NRXN3: variants seen among roughly 807,000 people sequenced by gnomAD.
NRXN3 encodes neurexin III.
In NRXN3, 32 loss-of-function variants were observed where a neutral mutation model predicts 137.6. That is an observed-to-expected ratio of 0.23 (90% CI 0.18 to 0.31). NRXN3 has a LOEUF of 0.31. Ranked by LOEUF, NRXN3 falls within the 10% of genes least tolerant of loss-of-function variation. The pLI, the probability that NRXN3 is intolerant of heterozygous loss-of-function variation, is 1.00. For missense variants in NRXN3, 1,574 were observed against 2,062.5 expected (o/e 0.76, Z 4.59); for synonymous variants, 798 against 784.5 (o/e 1.02, Z -0.29).
intron 10 of NRXN3, among the ~76,000 whole-genome samples, chr14:78,870,349 T>G (rs529307510): frequency 6.6e-6 from 1 of 152,328 alleles, no homozygotes; most frequent in East Asian, 1.9e-4. Flanking sequence ...GGATAGATCA[T>G]CCTTTGTAAT....
chr14:79,419,009 G>A (rs374093161), intron 15 of NRXN3, among the ~76,000 whole-genome samples: 1 of 152,198 alleles, frequency 6.6e-6, no homozygotes, highest in African/African-American at 2.4e-5. Context: ...GGCAGGCATG[G>A]ATGAAAATCG....
intron 10 of NRXN3, among the ~76,000 whole-genome samples, chr14:78,901,595 TTGA>T (rs2099196687): frequency 6.6e-6 from 1 of 152,046 alleles, no homozygotes; most frequent in African/African-American, 2.4e-5. Flanking sequence ...ATTTTTATAT[TTGA>T]TGATAATTCA....
At chr14:78,966,473 G>C (rs1416057862) in intron 12 of NRXN3, 67 bp downstream of exon 12, 1 of 1,505,888 alleles carries the variant, frequency 6.6e-7, no homozygotes, top group African/African-American at 1.4e-5. Flanking sequence ...GTAAAATATG[G>C]ACATAAAAAT....
Position 78,171,353 on chromosome 14 carries a change from T to A in NRXN3, c.-704+679T>A, listed in dbSNP as rs139795554. On this transcript the variant is annotated intron_variant, in intron 1 of 20. Transcript: ENST00000335750. ...GAGTGTGTGTGTGAGTGTGTGTGTGTGTGTGTGCGCGGGTGTGTGCTCCTG... is the reference window on the plus strand; with the variant it reads ...GAGTGTGTGTGTGAGTGTGTGTGTGAGTGTGTGCGCGGGTGTGTGCTCCTG... Among the ~76,000 whole-genome samples, 545 of 151,690 alleles carry A rather than the reference T, an allele frequency of 3.6e-3. 4 individuals carry two copies. The highest frequency in any genetic ancestry group is 0.012 in the African/African-American group (515 of 41,294).
At chr14:79,137,966 T>C (rs1050417317) in intron 15 of NRXN3, among the ~76,000 whole-genome samples, 3 of 152,166 alleles carry the variant, frequency 2.0e-5, no homozygotes, top group African/African-American at 7.2e-5. Context: ...TGGCACGTGT[T>C]ATGCTAGGAA....
intron 8 of NRXN3, among the ~76,000 whole-genome samples, chr14:78,743,074 G>A (rs1411629665): frequency 6.6e-6 from 1 of 152,142 alleles, no homozygotes; most frequent in Non-Finnish European, 1.5e-5. Context: ...GGCAAGTGTG[G>A]TTTTAAGATG....
chr14:78,323,429 C>T (rs2079644415), intron 4 of NRXN3, among the ~76,000 whole-genome samples: 2 of 152,016 alleles, frequency 1.3e-5, no homozygotes, highest in Non-Finnish European at 2.9e-5. Context: ...CACCTGGAGC[C>T]TCATCTGTTG....
intron 15 of NRXN3, among the ~76,000 whole-genome samples, chr14:79,403,334 G>A (rs191295629): frequency 8.5e-5 from 13 of 152,210 alleles, no homozygotes; most frequent in Non-Finnish European, 1.8e-4. Context: ...ATATGATAAA[G>A]AACATTTTTA....
rs188966852 is a variant in NRXN3 at position 78,324,169 on chromosome 14, A to G, written c.757+26309A>G. Among the ~76,000 whole-genome samples, 259 of 152,166 alleles carry G rather than the reference A, an allele frequency of 1.7e-3. 3 individuals carry two copies. The highest frequency in any genetic ancestry group is 6.0e-3 in the African/African-American group (247 of 41,464). On this transcript the variant is annotated intron_variant, in intron 4 of 20. Coordinates refer to ENST00000335750, the MANE Select transcript of NRXN3 (RefSeq NM_001330195.2). ...TGCTCTGCAGCCTTCAACCTCTTGG[A>G]GCCTGTCTTTTCATCTGTATTATGG...
chr14:78,892,561 T>C (rs2099162079), intron 10 of NRXN3, among the ~76,000 whole-genome samples: 2 of 151,852 alleles, frequency 1.3e-5, no homozygotes, highest in South Asian at 4.1e-4. Flanking sequence ...TTTTTTTTTT[T>C]TCTTACCCAG....
chr14:78,616,400 G>A (rs1164710442), intron 4 of NRXN3, among the ~76,000 whole-genome samples: 4 of 152,112 alleles, frequency 2.6e-5, no homozygotes, highest in African/African-American at 9.7e-5. Flanking sequence ...GCAGGTTTCC[G>A]TTTAAACCCT....
chr14:79,846,633 A>G (rs2099374476), intron 20 of NRXN3, among the ~76,000 whole-genome samples: 1 of 152,200 alleles, frequency 6.6e-6, no homozygotes, highest in Non-Finnish European at 1.5e-5. Context: ...CATTCAGATA[A>G]GCTTTAATGT....
rs560494829 is a variant in NRXN3 at position 79,123,323 on chromosome 14, T to A, written c.3262+135182T>A. 2.0e-4 allele frequency among the ~76,000 whole-genome samples: 31 copies of A among 152,282 alleles called. No individual in the cohort carries two copies. The South Asian group carries it at 6.4e-3, about 32-fold the overall frequency. ...TTCAACTCAATGTTTACTGTCAAGA[T>A]GAGTTTTCCAATTTCCATTGTTTCC... On this transcript the variant is annotated intron_variant, in intron 15 of 20. Coordinates refer to ENST00000335750, the MANE Select transcript of NRXN3 (RefSeq NM_001330195.2).
At chr14:79,482,144 G>A (rs2096615189) in intron 16 of NRXN3, among the ~76,000 whole-genome samples, 1 of 152,098 alleles carries the variant, frequency 6.6e-6, no homozygotes, top group East Asian at 1.9e-4. Context: ...TTAACCTGGT[G>A]GCTTTCATTA....
intron 16 of NRXN3, among the ~76,000 whole-genome samples, chr14:79,617,930 A>AAAAAAAAAAAAAAAAAAAAAAAAAAG (rs1385000688): frequency 3.4e-5 from 5 of 148,732 alleles, no homozygotes; most frequent in African/African-American, 1.0e-4. Flanking sequence ...AAAAAAAAAA[A>AAAAAAAAAAAAAAAAAAAAAAAAAAG]AACATGCTTA....
intron 4 of NRXN3, among the ~76,000 whole-genome samples, chr14:78,339,379 G>A (rs2081899152): frequency 6.6e-6 from 1 of 152,140 alleles, no homozygotes; most frequent in Admixed American, 6.5e-5. Flanking sequence ...AGAGCCTGAT[G>A]TCCACATCAT....
At chr14:79,756,720 A>G (rs1278008834) in intron 19 of NRXN3, among the ~76,000 whole-genome samples, 1 of 152,166 alleles carries the variant, frequency 6.6e-6, no homozygotes, top group Non-Finnish European at 1.5e-5. Flanking sequence ...AGTGCTCCCA[A>G]TAAGTGAATA....
chr14:78,836,031 T>C (rs1339196602), intron 10 of NRXN3, among the ~76,000 whole-genome samples: 2 of 152,168 alleles, frequency 1.3e-5, no homozygotes, highest in Non-Finnish European at 2.9e-5. Context: ...GGGTGCCCTA[T>C]AATTTGTCAA....
chr14:79,009,573 C>T (rs1286307530), intron 15 of NRXN3, among the ~76,000 whole-genome samples: 1 of 152,122 alleles, frequency 6.6e-6, no homozygotes, highest in Non-Finnish European at 1.5e-5. Flanking sequence ...CCAGAATATA[C>T]AGAGCAAGGA....
Sources: allele counts gnomAD v4.1 joint callset (sites outside exome capture counted in the v4.1 genomes callset), GRCh38; gene constraint gnomAD v4.1.1; transcripts MANE v1.5; gene names NCBI Gene and HGNC (gene_info 2026-07-23, HGNC 2026-07-21).